Variants in PROK2 observed in about 807,000 individuals in gnomAD.
The protein encoded by PROK2 is prokineticin 2, also known as prokineticin-2.
In PROK2, 8 loss-of-function variants were observed where a neutral mutation model predicts 14.2. The observed-to-expected ratio is 0.56, with a 90% CI of 0.33 to 1.02. The LOEUF (loss-of-function observed/expected upper bound fraction) is 1.02. Among genes scored for constraint, PROK2 ranks in the 50% least tolerant of loss-of-function variants. PROK2 has a pLI of 0.03. For synonymous variants in PROK2, 59 were observed against 60.7 expected (o/e 0.97, Z 0.13); for missense variants, 154 against 160.4 (o/e 0.96, Z 0.22).
In PROK2 at chr3:71,781,491, G is replaced by T. The variant is rs762976649; in HGVS notation, c.198C>A (p.Asp66Glu). The T allele has an allele frequency of 3.1e-6, 5 of 1,614,062 alleles. No homozygotes were observed. The highest frequency in any genetic ancestry group is 4.2e-6 in the Non-Finnish European group (5 of 1,179,938). ...RICTPMGKLG[D>E]SCHPLTRKNN... ...CTTTACGAGTCAGTGGATGGCAGCT[G>T]TCTCCCAGTTTGCCCATAGGTGTGC... Residue 66 changes from aspartate to glutamate, a missense_variant, in exon 2 of 4, where the codon GAC becomes GAA. Coordinates refer to ENST00000295619, the MANE Select transcript of PROK2 (RefSeq NM_001126128.2).
At chr3:71,782,354 A>G (rs1332481509) in intron 1 of PROK2, among the ~76,000 whole-genome samples, 1 of 152,222 alleles carries the variant, frequency 6.6e-6, no homozygotes, top group Non-Finnish European at 1.5e-5. Context: ...TCAAATTAAG[A>G]AATGCAAGTA....
At chr3:71,773,902 T>G (rs190313904) in intron 3 of PROK2, among the ~76,000 whole-genome samples, 2 of 152,184 alleles carry the variant, frequency 1.3e-5, no homozygotes, top group Non-Finnish European at 2.9e-5. Context: ...AGAATAAAGA[T>G]AGCAAATGTT....
chr3:71,772,848 G>T lies in PROK2; in HGVS notation c.286-20C>A. The T allele has an allele frequency of 6.2e-7, 1 of 1,603,896 alleles. No individual in the cohort carries two copies. Among genetic ancestry groups the T allele is most frequent in the Non-Finnish European group, 8.5e-7 (1 of 1,170,800 alleles). On this transcript the variant is annotated intron_variant, in intron 3 of 3. Transcript: ENST00000295619. ...TGGAACCTAAATAAAAAAGAAAACGGAGTCAGAGCTGGAAAGGTTTCAAAA... is the reference window on the plus strand; with the variant it reads ...TGGAACCTAAATAAAAAAGAAAACGTAGTCAGAGCTGGAAAGGTTTCAAAA...
intron 2 of PROK2, among the ~76,000 whole-genome samples, chr3:71,775,656 G>A (rs2050112222): frequency 6.6e-6 from 1 of 152,156 alleles, no homozygotes; most frequent in South Asian, 2.1e-4. Context: ...GTGAAGCAAA[G>A]GTCCTGGACT....
chr3:71,784,366 A>G (rs2050193558), intron 1 of PROK2, among the ~76,000 whole-genome samples: 1 of 152,230 alleles, frequency 6.6e-6, no homozygotes, highest in Admixed American at 6.5e-5. Context: ...GGGATACCTC[A>G]AGACCCTGAG....
At chr3:71,776,015 C>T (rs1242765269) in intron 2 of PROK2, among the ~76,000 whole-genome samples, 1 of 152,166 alleles carries the variant, frequency 6.6e-6, no homozygotes, top group African/African-American at 2.4e-5. Flanking sequence ...ATGGACTCAC[C>T]ATGAAGCCCA....
intron 2 of PROK2, among the ~76,000 whole-genome samples, chr3:71,776,561 C>A (rs1286557241): frequency 1.3e-5 from 2 of 151,562 alleles, no homozygotes; most frequent in Non-Finnish European, 2.9e-5. Context: ...TATTTTTAGT[C>A]GAGACAGGGT....
intron 1 of PROK2, 118 bp from the exon 2 acceptor site, chr3:71,781,710 A>C (rs538262587): frequency 1.8e-6 from 2 of 1,096,392 alleles, no homozygotes; most frequent in East Asian, 5.2e-5. Flanking sequence ...TTTAATAATC[A>C]GGTATATTTT....
intron 2 of PROK2, among the ~76,000 whole-genome samples, chr3:71,776,538 C>T (rs1353320055): frequency 6.6e-6 from 1 of 151,868 alleles, no homozygotes; most frequent in African/African-American, 2.4e-5. Flanking sequence ...CCACCATGCC[C>T]AGCTAATTTT....
At position 71,784,554 on chromosome 3, in the gene PROK2, A is replaced by G. The variant is rs112497053; in HGVS notation, c.96+403T>C. On this transcript the variant is annotated intron_variant, in intron 1 of 3. Coordinates refer to ENST00000295619, the MANE Select transcript of PROK2 (RefSeq NM_001126128.2). Reference sequence around the variant, plus strand: ...TGGGGAATTCGTCTTGGTCCTTTGCATTTCAGGAAGGGGCCGTCAAATTTT... The same window carrying G: ...TGGGGAATTCGTCTTGGTCCTTTGCGTTTCAGGAAGGGGCCGTCAAATTTT... Among the ~76,000 whole-genome samples the G allele has an allele frequency of 5.9e-5, 9 of 152,276 alleles. 1 individual carries two copies. In the East Asian group the frequency reaches 1.7e-3, roughly 29 times the overall value.
chr3:71,772,793 G>A lies in PROK2; in HGVS notation c.321C>T (p.Cys107=). 1.2e-6 allele frequency: 2 copies of A among 1,614,168 alleles called. No individual in the cohort carries two copies. Among genetic ancestry groups the A allele is most frequent in the Non-Finnish European group, 1.7e-6 (2 of 1,180,030 alleles). ...PFFGRRMHHT[C]PCLPGLACLR... ...AACAGGCCAAGCCTGGCAGACATGG[G>A]CAAGTGTGATGCATCCTCCGCCCAA... The change falls in exon 4 of 4, where the codon TGC becomes TGT. Residue 107 remains cysteine (C), a synonymous_variant. Coordinates refer to ENST00000295619, the MANE Select transcript of PROK2 (RefSeq NM_001126128.2).
rs1424435213 is a variant in PROK2, at chr3:71,784,941, C to T, written c.96+16G>A. ...GGCGCGCATCAGGGGCAGACAGGTG[C>T]GCCCGGGCCGCTTACCCCGGTGATC... On this transcript the variant is annotated intron_variant, in intron 1 of 3. Coordinates refer to ENST00000295619, the MANE Select transcript of PROK2 (RefSeq NM_001126128.2). The T allele has an allele frequency of 2.4e-6, 3 of 1,241,784 alleles. No homozygotes were observed. The highest frequency in any genetic ancestry group is 2.0e-6 in the Non-Finnish European group (2 of 990,676). 76.9% of individuals were successfully genotyped at this position (1,241,784 alleles called of 1,614,324 possible). A position where few individuals can be genotyped will look rare whatever the true frequency, so the allele number is the denominator to read the frequency against.
chr3:71,780,339 G>A (rs1339229608), intron 2 of PROK2, among the ~76,000 whole-genome samples: 2 of 152,222 alleles, frequency 1.3e-5, no homozygotes, highest in Non-Finnish European at 2.9e-5. Flanking sequence ...TGTTCACTCC[G>A]AGGAGGTGAA....
At position 71,772,593 on chromosome 3, in the gene PROK2, T is replaced by A. The variant is rs2050088239; in HGVS notation, c.*131A>T. On this transcript the variant is annotated 3_prime_UTR_variant, in exon 4 of 4. Transcript: ENST00000295619. ...AAAAAAATCATTTACAAATCAAAGATAAAAATGTTACTTGGAAAGTTGAGG... is the reference window on the plus strand; with the variant it reads ...AAAAAAATCATTTACAAATCAAAGAAAAAAATGTTACTTGGAAAGTTGAGG... 1 of 785,352 alleles carries A rather than the reference T, an allele frequency of 1.3e-6. No individual in the cohort carries two copies. Among genetic ancestry groups the A allele is most frequent in the Admixed American group, 2.5e-5 (1 of 39,794 alleles). The allele number at this position is 785,352 out of a possible 1,614,324, so 48.6% of individuals were successfully genotyped here. A position where few individuals can be genotyped will look rare whatever the true frequency, so the allele number is the denominator to read the frequency against.
chr3:71,784,887 C>T, intron 1 of PROK2, 70 bp downstream of exon 1: 1 of 1,182,994 alleles, frequency 8.5e-7, no homozygotes, highest in Non-Finnish European at 1.1e-6. Context: ...CTTCAGGGTC[C>T]CCGTCCCAAG....
intron 2 of PROK2, 122 bp from the exon 3 acceptor site, chr3:71,774,629 TC>T (rs1344041060): frequency 1.5e-6 from 2 of 1,315,892 alleles, no homozygotes; most frequent in African/African-American, 3.0e-5. Flanking sequence ...CCATCCCAGT[TC>T]CTCTGTCCTT....
intron 2 of PROK2, among the ~76,000 whole-genome samples, chr3:71,780,072 A>C (rs1192693308): frequency 6.6e-6 from 1 of 152,236 alleles, no homozygotes; most frequent in Non-Finnish European, 1.5e-5. Flanking sequence ...GAAGTTTGGC[A>C]TTGAGACACA....
chr3:71,783,550 G>T (rs1462176629), intron 1 of PROK2, among the ~76,000 whole-genome samples: 1 of 152,212 alleles, frequency 6.6e-6, no homozygotes, highest in Non-Finnish European at 1.5e-5. Context: ...TAATTAGACA[G>T]CTGTTTCCTA....
intron 2 of PROK2, among the ~76,000 whole-genome samples, chr3:71,774,767 C>T (rs1022744871): frequency 7.2e-5 from 11 of 152,162 alleles, no homozygotes; most frequent in African/African-American, 2.2e-4. Context: ...CACTGAGAGC[C>T]GGCTCTTTTG....
Sources: allele counts gnomAD v4.1 joint callset (sites outside exome capture counted in the v4.1 genomes callset), GRCh38; gene constraint gnomAD v4.1.1; transcripts MANE v1.5; gene names NCBI Gene and HGNC (gene_info 2026-07-23, HGNC 2026-07-21).